PCLO: variants seen among roughly 807,000 people sequenced by gnomAD.
PCLO encodes the protein piccolo presynaptic cytomatrix protein, also known as protein piccolo.
Under a neutral mutation model 427.5 loss-of-function variants are expected in PCLO, and 82 were observed. That is an observed-to-expected ratio of 0.19 (90% CI 0.16 to 0.23). PCLO has a LOEUF of 0.23. PCLO is among the 10% of genes least tolerant of loss of function. The pLI is 1.00. For missense variants in PCLO, 6,239 were observed against 6,115.9 expected (o/e 1.02, Z -0.67); for synonymous variants, 2,357 against 2,155.4 (o/e 1.09, Z -2.59).
chr7:82,916,001 G>A lies in PCLO; in HGVS notation c.11985C>T (p.Asn3995=), dbSNP rs1794450068. The change falls in exon 7 of 25, where the codon AAC becomes AAT. Residue 3995 remains asparagine (N), a synonymous_variant. Transcript: ENST00000333891. Reference sequence around the variant, plus strand: ...TACCAAGATGGGAAACAGCAAATGTGTTATCCGTAGAAACAGGTGCTATCA... The same window carrying A: ...TACCAAGATGGGAAACAGCAAATGTATTATCCGTAGAAACAGGTGCTATCA... ...PLMIAPVSTD[N]TFAVSHLGSK... The A allele has an allele frequency of 6.2e-7, 1 of 1,612,658 alleles. No homozygotes were observed. The highest frequency in any genetic ancestry group is 8.5e-7 in the Non-Finnish European group (1 of 1,179,776).
rs911115510 is a variant in PCLO, at chr7:82,875,424, T to C, written c.13654+3913A>G. ...ATGTAACAAGGTAGACTAACTTGTT[T>C]AGAAACTAGATTTTTCAAAAAAAGA... On this transcript the variant is annotated intron_variant, in intron 10 of 24. Transcript: ENST00000333891. Among the ~76,000 whole-genome samples the C allele has an allele frequency of 2.0e-5, 3 of 152,068 alleles. No individual in the cohort carries two copies. In the East Asian group the frequency reaches 5.8e-4, roughly 29 times the overall value.
At position 82,832,800 on chromosome 7, in the gene PCLO, T is replaced by TACACACACACAC. The variant is rs10645073; in HGVS notation, c.14249+2855_14249+2866dup. Among the ~76,000 whole-genome samples, 61 of 140,696 alleles carry TACACACACACAC rather than the reference T, an allele frequency of 4.3e-4. 2 individuals are homozygous for TACACACACACAC. The highest frequency in any genetic ancestry group is 2.1e-3 in the East Asian group (10 of 4,752). 92.3% of individuals were successfully genotyped at this position (140,696 alleles called of 152,430 possible). ...TCTGGTTTTCCTTTACTAAACTTAC[T>TACACACACACAC]ACACACACACACACACACACACACA... On this transcript the variant is annotated intron_variant, in intron 16 of 24. Transcript: ENST00000333891.
chr7:82,894,841 T>C (rs1299208200), intron 9 of PCLO, among the ~76,000 whole-genome samples: 5 of 152,040 alleles, frequency 3.3e-5, no homozygotes, highest in African/African-American at 2.4e-5. Context: ...GGGACATCCA[T>C]AAATAGATTT....
chr7:83,044,534 A>C (rs1789058583), intron 3 of PCLO, among the ~76,000 whole-genome samples: 1 of 152,162 alleles, frequency 6.6e-6, no homozygotes, highest in Non-Finnish European at 1.5e-5. Flanking sequence ...TTTTACCATC[A>C]AAATTTTAAC....
At chr7:82,800,808 A>T (rs1442642234) in intron 22 of PCLO, among the ~76,000 whole-genome samples, 2 of 151,844 alleles carry the variant, frequency 1.3e-5, no homozygotes, top group Non-Finnish European at 2.9e-5. Context: ...GTTGGTCTCG[A>T]ACTCCTGACC....
In PCLO at chr7:83,038,130, CAT is replaced by C. The variant is rs1347433385; in HGVS notation, c.3301-71645_3301-71644del. 5.7e-5 allele frequency among the ~76,000 whole-genome samples: 7 copies of C among 122,224 alleles called. No individual in the cohort carries two copies. The East Asian group carries it at 1.7e-3, about 30-fold the overall frequency. 80.2% of individuals were successfully genotyped at this position (122,224 alleles called of 152,430 possible). A position where few individuals can be genotyped will look rare whatever the true frequency, so the allele number is the denominator to read the frequency against. On this transcript the variant is annotated intron_variant, in intron 3 of 24. Transcript: ENST00000333891. ...ATATGTATATATATGCACACACACA[CAT>C]ACACACACTCATATATACACATACA...
chr7:82,952,579 T>C lies in PCLO; in HGVS notation c.8374A>G (p.Thr2792Ala), dbSNP rs1485240159. The change falls in exon 5 of 25, where the codon ACT (threonine) becomes GCT (alanine). Residue 2792 changes from threonine to alanine, a missense_variant. Coordinates refer to ENST00000333891, the MANE Select transcript of PCLO (RefSeq NM_033026.6). Reference protein sequence around the residue: ...SSIVTPVSLATETVTFVTCTA... With the variant: ...SSIVTPVSLAAETVTFVTCTA... Reference sequence around the variant, plus strand: ...CATGTGACAAAGGTCACTGTCTCAGTGGCCAGAGATACAGGAGTCACTATT... The same window carrying C: ...CATGTGACAAAGGTCACTGTCTCAGCGGCCAGAGATACAGGAGTCACTATT... The C allele has an allele frequency of 1.2e-6, 2 of 1,613,948 alleles. No individual in the cohort carries two copies. Among genetic ancestry groups the C allele is most frequent in the South Asian group, 2.2e-5 (2 of 91,086 alleles).
chr7:82,792,821 G>C (rs1440642178), intron 22 of PCLO, among the ~76,000 whole-genome samples: 2 of 151,590 alleles, frequency 1.3e-5, no homozygotes, highest in Non-Finnish European at 2.9e-5. Context: ...TATAATATAT[G>C]GGCTTTTTAA....
chr7:83,010,345 A>T (rs1788047864), intron 3 of PCLO, among the ~76,000 whole-genome samples: 1 of 151,690 alleles, frequency 6.6e-6, no homozygotes, highest in African/African-American at 2.4e-5. Flanking sequence ...TCTACTCCTC[A>T]TTCTCAACAA....
chr7:83,066,760 A>T (rs1470692568), intron 3 of PCLO, among the ~76,000 whole-genome samples: 1 of 152,192 alleles, frequency 6.6e-6, no homozygotes, highest in Non-Finnish European at 1.5e-5. Flanking sequence ...GCTCTGAGGA[A>T]TGTTCAATGG....
intron 3 of PCLO, among the ~76,000 whole-genome samples, chr7:83,015,243 C>CA (rs1395053448): frequency 6.6e-6 from 1 of 151,920 alleles, no homozygotes; most frequent in Non-Finnish European, 1.5e-5. Flanking sequence ...GCCTGGTGGA[C>CA]ATAAATCAGT....
At chr7:83,061,885 C>T (rs545320703) in intron 3 of PCLO, among the ~76,000 whole-genome samples, 2 of 152,278 alleles carry the variant, frequency 1.3e-5, no homozygotes, top group African/African-American at 4.8e-5. Context: ...TTAGCTCAAT[C>T]CTATTCCTGA....
chr7:83,131,897 T>A (rs1369988217), intron 3 of PCLO, among the ~76,000 whole-genome samples: 1 of 152,100 alleles, frequency 6.6e-6, no homozygotes, highest in South Asian at 2.1e-4. Flanking sequence ...TTAATAGTAT[T>A]TACAGTTTGC....
Position 82,952,028 on chromosome 7 carries a change from C to T in PCLO, c.8925G>A (p.Gln2975=). The T allele has an allele frequency of 1.9e-6, 3 of 1,613,948 alleles. No homozygotes were observed. The highest frequency in any genetic ancestry group is 2.5e-6 in the Non-Finnish European group (3 of 1,179,840). ...AACCATATGGCCCTGATCGATCATACTGATAGTGGTCATCCCTATAACCAA... is the reference window on the plus strand; with the variant it reads ...AACCATATGGCCCTGATCGATCATATTGATAGTGGTCATCCCTATAACCAA... ...DRFGYRDDHY[Q]YDRSGPYGYR... is the part of the protein sequence containing the mutation. The change falls in exon 5 of 25, where the codon CAG becomes CAA. Residue 2975 remains glutamine (Q), a synonymous_variant. Coordinates refer to ENST00000333891, the MANE Select transcript of PCLO (RefSeq NM_033026.6).
At chr7:82,807,203 G>C (rs73706734) in intron 20 of PCLO, among the ~76,000 whole-genome samples, 1,898 of 145,688 alleles carry the variant, frequency 0.013, 43 homozygotes, top group African/African-American at 0.046. Flanking sequence ...GGGCTTTACT[G>C]TCAACAGCTG....
intron 3 of PCLO, among the ~76,000 whole-genome samples, chr7:83,016,903 C>G (rs988255252): frequency 2.0e-4 from 30 of 152,044 alleles, no homozygotes; most frequent in African/African-American, 6.3e-4. Flanking sequence ...ATAGCAGAGC[C>G]AATGGCAATT....
intron 3 of PCLO, among the ~76,000 whole-genome samples, chr7:83,095,236 T>C (rs1373347993): frequency 1.3e-5 from 2 of 152,130 alleles, no homozygotes; most frequent in Admixed American, 1.3e-4. Flanking sequence ...GCCGAATATA[T>C]GCATGTATAG....
At chr7:82,812,681 A>G (rs931353920) in intron 20 of PCLO, among the ~76,000 whole-genome samples, 1 of 151,682 alleles carries the variant, frequency 6.6e-6, no homozygotes, top group African/African-American at 2.4e-5. Context: ...TTGGTGCTAT[A>G]AAATGCAAAT....
rs897290055 is a variant in PCLO, at chr7:83,155,905, T to C, written c.736A>G (p.Lys246Glu). 36 of 1,613,836 alleles carry C rather than the reference T, an allele frequency of 2.2e-5. No homozygotes were observed. The highest frequency in any genetic ancestry group is 2.7e-5 in the Non-Finnish European group (32 of 1,179,890). ...PKSISSQQPE[K>E]IKSQPPGTGK... ...GTACCTGGAGGTTGTGATTTAATTTTTTCTGGTTGTTGAGAAGATATTGAT... is the reference window on the plus strand; with the variant it reads ...GTACCTGGAGGTTGTGATTTAATTTCTTCTGGTTGTTGAGAAGATATTGAT... Residue 246 changes from lysine to glutamate, a missense_variant, in exon 2 of 25, where the codon AAA (lysine) becomes GAA (glutamate). This residue lies in a region of PCLO where 4,677 missense variants were observed against 4,468.4 expected (regional missense o/e 1.05). Coordinates refer to ENST00000333891, the MANE Select transcript of PCLO (RefSeq NM_033026.6).
Sources: allele counts gnomAD v4.1 joint callset (sites outside exome capture counted in the v4.1 genomes callset), GRCh38; gene constraint gnomAD v4.1.1; regional missense constraint gnomAD v4.1.1; transcripts MANE v1.5; gene names NCBI Gene and HGNC (gene_info 2026-07-23, HGNC 2026-07-21).